The following OPN1SW variants were observed in gnomAD, a reference collection of about 807,000 sequenced individuals.
OPN1SW encodes the protein opsin 1, short wave sensitive, also known as short-wave-sensitive opsin 1.
OPN1SW carries 25 observed loss-of-function variants against 31.9 expected under a neutral mutation model. The observed-to-expected ratio is 0.78, with a 90% CI of 0.57 to 1.09. The LOEUF is 1.09. Ranked by LOEUF, OPN1SW falls within the 50% of genes least tolerant of loss-of-function variation. The probability of loss-of-function intolerance (pLI) is 0.00; values close to 1 mark genes in which losing one functional copy is unlikely to be tolerated. For missense variants in OPN1SW, 424 were observed against 448.0 expected, an observed-to-expected ratio of 0.95 and a Z score of 0.48; for synonymous variants, 190 against 171.9, an observed-to-expected ratio of 1.11 and a Z score of -0.82.
At chr7:128,773,532 G>A (rs1801679320) in intron 4 of OPN1SW, 117 bp downstream of exon 4, 1 of 1,410,760 alleles carries the variant, frequency 7.1e-7, no homozygotes, top group African/African-American at 1.4e-5. Flanking sequence ...GGGGTTTTGT[G>A]GCTTCCCTCG....
chr7:128,774,941 A>C, intron 2 of OPN1SW, 45 bp downstream of exon 2: 1 of 1,611,652 alleles, frequency 6.2e-7, no homozygotes, highest in South Asian at 1.1e-5. Flanking sequence ...ACCCACATCA[A>C]CCTGAGCTCC....
Position 128,775,224 on chromosome 7 carries a change from G to A in OPN1SW, c.344-70C>T, listed in dbSNP as rs1801735602. On this transcript the variant is annotated intron_variant, in intron 1 of 4. Coordinates refer to ENST00000249389, the MANE Select transcript of OPN1SW (RefSeq NM_001385125.1). ...AGCCTGGCTGGCAGAGTGGCAAACA[G>A]ATCGGGTGGAGCAAGCACAGAGAGA... 16 of 1,538,114 alleles carry A rather than the reference G, an allele frequency of 1.0e-5. 1 individual carries two copies. The highest frequency in any genetic ancestry group is 3.4e-4 in the Middle Eastern group (2 of 5,872).
chr7:128,773,854 T>C lies in OPN1SW; in HGVS notation c.713A>G (p.Gln238Arg). The change falls in exon 4 of 5, where the codon CAG becomes CGG. Residue 238 changes from glutamine (Q) to arginine (R), a missense_variant. Gln to Arg is a conservative substitution (Grantham distance 43, BLOSUM62 1). Transcript: ENST00000249389. The stretch of plus-strand genomic sequence containing the variant: ...GCGGCTCACCTCCCGTTCAGCCTTC[T>C]GGGTCGTAGCTGACTCCTGCTGCTG... ...AAQQQESATT[Q>R]KAEREVSRMV... 6.2e-7 allele frequency: 1 copy of C among 1,612,852 alleles called. No homozygotes were observed. The highest frequency in any genetic ancestry group is 8.5e-7 in the Non-Finnish European group (1 of 1,179,982).
intron 4 of OPN1SW, among the ~76,000 whole-genome samples, chr7:128,773,438 G>A (rs1361283919): frequency 6.6e-6 from 1 of 152,120 alleles, no homozygotes; most frequent in African/African-American, 2.4e-5. Context: ...CCTGACTCAA[G>A]TTCTTTCCTC....
At chr7:128,775,306 C>G in intron 1 of OPN1SW, 133 bp downstream of exon 1, 1 of 1,282,724 alleles carries the variant, frequency 7.8e-7, no homozygotes, top group Non-Finnish European at 1.1e-6. Context: ...AGCCAAACTT[C>G]TAGTCTGGGT....
chr7:128,775,772 C>T lies in OPN1SW; in HGVS notation c.10G>A (p.Glu4Lys), dbSNP rs745647247. ...ATATTTTTGAACAGATAAAACTCTT[C>T]CTCCGACATTTTTCTCATGGATGCC... Reference protein sequence around the residue: MSEEEFYLFKNISS... With the variant: MSEKEFYLFKNISS... Residue 4 changes from glutamate to lysine, a missense_variant, in exon 1 of 5, where the codon GAA becomes AAA. Coordinates refer to ENST00000249389, the MANE Select transcript of OPN1SW (RefSeq NM_001385125.1). 9 of 1,613,998 alleles carry T rather than the reference C, an allele frequency of 5.6e-6. No individual in the cohort carries two copies. The highest frequency in any genetic ancestry group is 7.6e-6 in the Non-Finnish European group (9 of 1,179,994).
chr7:128,773,449 C>T (rs886194899), intron 4 of OPN1SW, among the ~76,000 whole-genome samples, 200 bp downstream of exon 4: 3 of 152,072 alleles, frequency 2.0e-5, no homozygotes, highest in Non-Finnish European at 4.4e-5. Context: ...TTCTTTCCTC[C>T]GGGGTTCTAT....
Position 128,772,577 on chromosome 7 carries a change from A to G in OPN1SW, c.1001T>C (p.Val334Ala), listed in dbSNP as rs763991421. Residue 334 changes from valine (V) to alanine (A), a missense_variant, in exon 5 of 5, where the codon GTT becomes GCT. Val to Ala is a moderately conservative substitution (Grantham distance 64). Coordinates refer to ENST00000249389, the MANE Select transcript of OPN1SW (RefSeq NM_001385125.1). Reference sequence around the variant, plus strand: ...AACTTGGGTAGACGAGACAGTAGAAACTTCTGTTTTCTGGGAGCTGCATGT... The same window carrying G: ...AACTTGGGTAGACGAGACAGTAGAAGCTTCTGTTTTCTGGGAGCTGCATGT... ...SDTCSSQKTE[V>A]STVSSTQVGP... is the part of the protein sequence containing the mutation. 5 of 1,614,168 alleles carry G rather than the reference A, an allele frequency of 3.1e-6. No homozygotes were observed. The highest frequency in any genetic ancestry group is 4.2e-6 in the Non-Finnish European group (5 of 1,180,024).
rs1471431791 is a variant in OPN1SW, at chr7:128,775,064, T to G, written c.434A>C (p.Lys145Thr). 6.2e-7 allele frequency: 1 copy of G among 1,614,092 alleles called. No homozygotes were observed. Among genetic ancestry groups the G allele is most frequent in the Admixed American group, 1.7e-5 (1 of 60,014 alleles). Reference protein sequence around the residue: ...KPFGNFRFSSKHALTVVLATW... With the variant: ...KPFGNFRFSSTHALTVVLATW... ...AGCCAGGACCACCGTCAGTGCATGC[T>G]TGGAGCTGAAGCGGAAGTTGCCGAA... Residue 145 changes from lysine (K) to threonine (T), a missense_variant, in exon 2 of 5, where the codon AAG (lysine) becomes ACG (threonine). Lys to Thr is a moderately conservative substitution (Grantham distance 78). Coordinates refer to ENST00000249389, the MANE Select transcript of OPN1SW (RefSeq NM_001385125.1).
At position 128,772,649 on chromosome 7, in the gene OPN1SW, C is replaced by A; in HGVS notation, c.929G>T (p.Cys310Phe). 1 of 1,614,082 alleles carries A rather than the reference C, an allele frequency of 6.2e-7. No individual in the cohort carries two copies. The highest frequency in any genetic ancestry group is 8.5e-7 in the Non-Finnish European group (1 of 1,179,966). ...CTTCCCACACACCATCTTCATGATG[C>A]AAGCTTGGAACTGGAGAGAAAGGTA... ...YCFMNKQFQACIMKMVCGKAM... is the reference protein window; with the variant it reads ...YCFMNKQFQAFIMKMVCGKAM... Residue 310 changes from cysteine to phenylalanine, a missense_variant, in exon 5 of 5, where the codon TGC (cysteine) becomes TTC (phenylalanine). Cys to Phe is a radical substitution (Grantham distance 205). Transcript: ENST00000249389.
chr7:128,775,212 G>A (rs985000879), intron 1 of OPN1SW, 58 bp from the exon 2 acceptor site: 1 of 1,580,632 alleles, frequency 6.3e-7, no homozygotes, highest in Non-Finnish European at 8.7e-7. Flanking sequence ...CTGGCTGGCA[G>A]AGTGGCAAAC....
Position 128,773,254 on chromosome 7 carries a change from T to C in OPN1SW, c.918+395A>G, listed in dbSNP as rs116699212. Among the ~76,000 whole-genome samples, 596 of 152,328 alleles carry C rather than the reference T, an allele frequency of 3.9e-3. 6 individuals are homozygous for C. Among genetic ancestry groups the C allele is most frequent in the African/African-American group, 0.014 (570 of 41,558 alleles). ...AATTATTAAATGCAAGGACTGAAAATTGAGAGGAATCTGAGTTTTTATTTT... is the reference window on the plus strand; with the variant it reads ...AATTATTAAATGCAAGGACTGAAAACTGAGAGGAATCTGAGTTTTTATTTT... On this transcript the variant is annotated intron_variant, in intron 4 of 4. Coordinates refer to ENST00000249389, the MANE Select transcript of OPN1SW (RefSeq NM_001385125.1).
chr7:128,774,943 C>T (rs1371476060), intron 2 of OPN1SW, 43 bp downstream of exon 2: 1 of 1,612,334 alleles, frequency 6.2e-7, no homozygotes, highest in Admixed American at 1.7e-5. Flanking sequence ...CCACATCAAC[C>T]TGAGCTCCTA....
intron 3 of OPN1SW, among the ~76,000 whole-genome samples, 175 bp from the exon 4 acceptor site, chr7:128,774,063 G>T (rs561612919): frequency 7.9e-5 from 12 of 151,962 alleles, no homozygotes; most frequent in African/African-American, 2.9e-4. Flanking sequence ...CCACCTCCCG[G>T]GTTCAAGTGA....
rs1180742479 is a variant in OPN1SW, at chr7:128,775,168, T to G, written c.344-14A>C. 2.5e-6 allele frequency: 4 copies of G among 1,613,434 alleles called. No individual in the cohort carries two copies. Among genetic ancestry groups the G allele is most frequent in the Non-Finnish European group, 3.4e-6 (4 of 1,179,720 alleles). Reference sequence around the variant, plus strand: ...CTGTAACCAGACCTGTGGTGAAATGTGAGGATAATGGGCTAGACAGAGCCC... The same window carrying G: ...CTGTAACCAGACCTGTGGTGAAATGGGAGGATAATGGGCTAGACAGAGCCC... On this transcript the variant is annotated splice_polypyrimidine_tract_variant and intron_variant, in intron 1 of 4. Transcript: ENST00000249389.
chr7:128,772,518 C>T lies in OPN1SW; in HGVS notation c.*22G>A. ...AAGTAAAATTTAATTCTAGCTGTTG[C>T]AAACAGGCCAATATTGGGTCCTCAG... is the stretch of plus-strand genomic sequence containing the variant. On this transcript the variant is annotated 3_prime_UTR_variant, in exon 5 of 5. Coordinates refer to ENST00000249389, the MANE Select transcript of OPN1SW (RefSeq NM_001385125.1). The T allele has an allele frequency of 6.2e-7, 1 of 1,614,048 alleles. No homozygotes were observed. Among genetic ancestry groups the T allele is most frequent in the Non-Finnish European group, 8.5e-7 (1 of 1,179,960 alleles).
intron 3 of OPN1SW, among the ~76,000 whole-genome samples, chr7:128,774,257 T>C (rs749555430): frequency 1.3e-5 from 2 of 152,090 alleles, no homozygotes; most frequent in African/African-American, 2.4e-5. Context: ...CTGCGCCCGG[T>C]CTCTGGATGC....
In OPN1SW at chr7:128,775,773, C is replaced by A; in HGVS notation, c.9G>T (p.Glu3Asp). MS[E>D]EEFYLFKNIS... Reference sequence around the variant, plus strand: ...TATTTTTGAACAGATAAAACTCTTCCTCCGACATTTTTCTCATGGATGCCC... The same window carrying A: ...TATTTTTGAACAGATAAAACTCTTCATCCGACATTTTTCTCATGGATGCCC... Residue 3 changes from glutamate (E) to aspartate (D), a missense_variant, in exon 1 of 5, where the codon GAG becomes GAT. Coordinates refer to ENST00000249389, the MANE Select transcript of OPN1SW (RefSeq NM_001385125.1). 1 of 1,614,032 alleles carries A rather than the reference C, an allele frequency of 6.2e-7. No individual in the cohort carries two copies. The highest frequency in any genetic ancestry group is 8.5e-7 in the Non-Finnish European group (1 of 1,179,948).
intron 3 of OPN1SW, 31 bp from the exon 4 acceptor site, chr7:128,773,919 C>A: frequency 6.3e-7 from 1 of 1,597,552 alleles, no homozygotes; most frequent in East Asian, 2.2e-5. Context: ...CATCACATCT[C>A]TCTTTTTCCT....
Sources: allele counts gnomAD v4.1 joint callset (sites outside exome capture counted in the v4.1 genomes callset), GRCh38; gene constraint gnomAD v4.1.1; transcripts MANE v1.5; gene names NCBI Gene and HGNC (gene_info 2026-07-23, HGNC 2026-07-21).